The following THOP1 variants were observed in gnomAD, a reference collection of about 807,000 sequenced individuals.
The protein encoded by THOP1 is thimet oligopeptidase.
A neutral mutation model predicts 71.8 loss-of-function variants in THOP1; 49 were observed. The observed-to-expected ratio is 0.68, with a 90% CI of 0.54 to 0.87. The LOEUF (loss-of-function observed/expected upper bound fraction) is 0.87. Ranked by LOEUF, THOP1 falls within the 40% of genes least tolerant of loss-of-function variation. The probability of loss-of-function intolerance (pLI) is 0.00; values close to 1 mark genes in which losing one functional copy is unlikely to be tolerated. For missense variants in THOP1, 843 were observed against 975.6 expected (o/e 0.86, Z 1.81); for synonymous variants, 426 against 421.5 (o/e 1.01, Z -0.13).
chr19:2,811,813 A>G (rs530046059), intron 12 of THOP1, 79 bp downstream of exon 12: 61 of 1,540,744 alleles, frequency 4.0e-5, no homozygotes, highest in African/African-American at 6.0e-5. Context: ...GGCGTCCTGA[A>G]TGGCAAGGTA....
rs1255269197 is a variant in THOP1, at chr19:2,807,007, G to C, written c.841G>C (p.Glu281Gln). ...CCACACGCACGCCGACTATGTCCTG[G>C]AGATGAACATGGCCAAGACCAGCCA... ...GFHTHADYVL[E>Q]MNMAKTSQTV... Residue 281 changes from glutamate (E) to glutamine (Q), a missense_variant, in exon 7 of 13, where the codon GAG (glutamate) becomes CAG (glutamine). Transcript: ENST00000307741. The C allele has an allele frequency of 1.2e-6, 2 of 1,612,840 alleles. No homozygotes were observed. Among genetic ancestry groups the C allele is most frequent in the African/African-American group, 2.7e-5 (2 of 74,912 alleles).
chr19:2,790,561 A>G lies in THOP1; in HGVS notation c.157A>G (p.Thr53Ala). The G allele has an allele frequency of 6.2e-7, 1 of 1,607,196 alleles. No homozygotes were observed. The highest frequency in any genetic ancestry group is 8.5e-7 in the Non-Finnish European group (1 of 1,176,982). The change falls in exon 2 of 13, where the codon ACC (threonine) becomes GCC (alanine). Residue 53 changes from threonine (T) to alanine (A), a missense_variant. Thr to Ala is a moderately conservative substitution (Grantham distance 58). Coordinates refer to ENST00000307741, the MANE Select transcript of THOP1 (RefSeq NM_003249.5). Reference sequence around the variant, plus strand: ...CAAGCGCGTGTATGACCAGGTTGGCACCCAGGAGTTTGAGGACGTGTCCTA... The same window carrying G: ...CAAGCGCGTGTATGACCAGGTTGGCGCCCAGGAGTTTGAGGACGTGTCCTA... ...QTKRVYDQVG[T>A]QEFEDVSYES...
At chr19:2,809,362 G>A (rs1015118682) in intron 9 of THOP1, among the ~76,000 whole-genome samples, 1 of 152,110 alleles carries the variant, frequency 6.6e-6, no homozygotes, top group South Asian at 2.1e-4. Flanking sequence ...CAACGCTTGG[G>A]GCCTTTTAAA....
At chr19:2,800,671 G>A (rs937557020) in intron 5 of THOP1, among the ~76,000 whole-genome samples, 1 of 152,222 alleles carries the variant, frequency 6.6e-6, no homozygotes, top group Non-Finnish European at 1.5e-5. Context: ...TGCCAAGCTT[G>A]GCTGCCAGCC....
intron 5 of THOP1, among the ~76,000 whole-genome samples, chr19:2,802,727 T>A (rs1916184294): frequency 6.6e-6 from 1 of 152,222 alleles, no homozygotes; most frequent in Admixed American, 6.5e-5. Context: ...AGTTGCCATG[T>A]CCATGGATGA....
At chr19:2,806,190 C>T (rs959922621) in intron 6 of THOP1, 2 of 152,318 alleles carry the variant, frequency 1.3e-5, no homozygotes, top group Non-Finnish European at 1.5e-5. Context: ...ACCTCGACTT[C>T]CCCACTGCGC....
At chr19:2,810,913 G>T in intron 11 of THOP1, 145 bp downstream of exon 11, 1 of 1,323,960 alleles carries the variant, frequency 7.6e-7, no homozygotes, top group South Asian at 1.5e-5. Context: ...CAGGCTCCTC[G>T]GGGGACAGCC....
At chr19:2,803,999 G>A (rs556514494) in intron 5 of THOP1, among the ~76,000 whole-genome samples, 44 of 150,984 alleles carry the variant, frequency 2.9e-4, no homozygotes, top group African/African-American at 9.0e-4. Flanking sequence ...GTGAGCTCCC[G>A]ATCGTTCTTT....
chr19:2,799,607 C>T (rs2144767939), intron 4 of THOP1, 82 bp from the exon 5 acceptor site: 7 of 1,139,752 alleles, frequency 6.1e-6, no homozygotes, highest in South Asian at 3.9e-5. Flanking sequence ...CAGCCCTCGG[C>T]GAGAGGGTTC....
At position 2,802,713 on chromosome 19, in the gene THOP1, C is replaced by T. The variant is rs370253099; in HGVS notation, c.590-2303C>T. Among the ~76,000 whole-genome samples, 50 of 152,330 alleles carry T rather than the reference C, an allele frequency of 3.3e-4. No homozygotes were observed. In the East Asian group the frequency reaches 3.9e-3, roughly 12 times the overall value. On this transcript the variant is annotated intron_variant, in intron 5 of 12. Transcript: ENST00000307741. The stretch of plus-strand genomic sequence containing the variant: ...TGTCCATCACTCGCACATTGTCATA[C>T]ACTAGTTGCCATGTCCATGGATGAC...
At position 2,807,138 on chromosome 19, in the gene THOP1, G is replaced by A. The variant is rs1916313289; in HGVS notation, c.886+86G>A. 5 of 1,454,834 alleles carry A rather than the reference G, an allele frequency of 3.4e-6. No individual in the cohort carries two copies. The East Asian group carries it at 1.2e-4, about 36-fold the overall frequency. 90.1% of individuals were successfully genotyped at this position (1,454,834 alleles called of 1,614,324 possible). A position where few individuals can be genotyped will look rare whatever the true frequency, so the allele number is the denominator to read the frequency against. On this transcript the variant is annotated intron_variant, in intron 7 of 12. Transcript: ENST00000307741. ...GGGGACAGTCGGTGCTACCCCTAGA[G>A]CCTTGTCCTTTCCCTCCATGAAGAG...
In THOP1 at chr19:2,815,047, C is replaced by G. The variant is rs1000748294; in HGVS notation, c.*1771C>G. 6.6e-6 allele frequency: 1 copy of G among 152,376 alleles called. No homozygotes were observed. The highest frequency in any genetic ancestry group is 1.5e-5 in the Non-Finnish European group (1 of 68,194). 9.4% of individuals were successfully genotyped at this position (152,376 alleles called of 1,614,324 possible). On this transcript the variant is annotated 3_prime_UTR_variant, in exon 13 of 13. Transcript: ENST00000307741. ...CTGCAGCCTGGGCAACAGAGCAAGACTGTCTCTAAAATAACAATAATAATA... is the reference window on the plus strand; with the variant it reads ...CTGCAGCCTGGGCAACAGAGCAAGAGTGTCTCTAAAATAACAATAATAATA...
chr19:2,787,396 G>A (rs543005821), intron 1 of THOP1, among the ~76,000 whole-genome samples: 4 of 152,226 alleles, frequency 2.6e-5, no homozygotes, highest in African/African-American at 7.2e-5. Flanking sequence ...TGGATCCTTG[G>A]CACAATCAGT....
At chr19:2,806,209 G>C (rs1296243759) in intron 6 of THOP1, 1 of 152,354 alleles carries the variant, frequency 6.6e-6, no homozygotes, top group African/African-American at 2.4e-5. Context: ...GCCTTAGAAG[G>C]TCAACTGGGC....
At chr19:2,809,707 C>T (rs1454629648) in intron 9 of THOP1, 1 of 154,294 alleles carries the variant, frequency 6.5e-6, no homozygotes, top group Non-Finnish European at 1.4e-5. Context: ...TGCAGGCCTG[C>T]TTTGCATGCT....
chr19:2,807,356 G>C lies in THOP1; in HGVS notation c.887-86G>C. The stretch of plus-strand genomic sequence containing the variant: ...GTCCTCCCTTCCAAATGGGGAGCCT[G>C]ACGAAGTCGCGGCCGCGGGCGGGCG... On this transcript the variant is annotated intron_variant, in intron 7 of 12. Transcript: ENST00000307741. The C allele has an allele frequency of 2.0e-6, 3 of 1,466,974 alleles. No individual in the cohort carries two copies. In the South Asian group the frequency reaches 4.2e-5, roughly 21 times the overall value. 90.9% of individuals were successfully genotyped at this position (1,466,974 alleles called of 1,614,324 possible).
chr19:2,799,826 G>T (rs375217695), intron 5 of THOP1, 35 bp downstream of exon 5: 2 of 1,581,016 alleles, frequency 1.3e-6, no homozygotes, highest in Non-Finnish European at 8.7e-7. Flanking sequence ...GGTGGCCATC[G>T]GTCCTGGGAC....
In THOP1 at chr19:2,805,271, C is replaced by A; in HGVS notation, c.750+95C>A. On this transcript the variant is annotated intron_variant, in intron 6 of 12. Transcript: ENST00000307741. The surrounding 1 kb of genome is among the most constrained non-coding windows in gnomAD (Gnocchi z 6.6). ...GTGTGAGGCACCTCCAGGCTTTGCA[C>A]TTGGATGGCCTCCCAATCTCCCTGG... 1 of 1,386,672 alleles carries A rather than the reference C, an allele frequency of 7.2e-7. No individual in the cohort carries two copies. The highest frequency in any genetic ancestry group is 1.5e-5 in the South Asian group (1 of 68,170). 85.9% of individuals were successfully genotyped at this position (1,386,672 alleles called of 1,614,324 possible).
chr19:2,794,997 T>G, intron 3 of THOP1, 85 bp downstream of exon 3: 1 of 1,502,524 alleles, frequency 6.7e-7, no homozygotes, highest in South Asian at 1.2e-5. Context: ...CTAATTTTTG[T>G]ATTTTTAGTA....
Sources: gnomAD v4.1 joint callset for allele counts (sites outside exome capture counted in the v4.1 genomes callset) on GRCh38, gnomAD v4.1.1 for gene constraint, Gnocchi (gnomAD v3.1) non-coding constraint, MANE v1.5 for transcripts, NCBI Gene and HGNC (gene_info 2026-07-23, HGNC 2026-07-21) for gene names.